The following GALNTL6 variants were observed in gnomAD, a reference collection of about 807,000 sequenced individuals.
GALNTL6 encodes polypeptide N-acetylgalactosaminyltransferase-like 6.
Under a neutral mutation model 73.7 loss-of-function variants are expected in GALNTL6, and 46 were observed. That is an observed-to-expected ratio of 0.62 (90% CI 0.49 to 0.80). The LOEUF (loss-of-function observed/expected upper bound fraction) is 0.80. GALNTL6 is among the 30% of genes least tolerant of loss of function. The pLI is 0.00. For missense variants in GALNTL6, 604 were observed against 755.0 expected, an observed-to-expected ratio of 0.80 and a Z score of 2.34; for synonymous variants, 259 against 263.7, an observed-to-expected ratio of 0.98 and a Z score of 0.17.
chr4:172,299,080 C>A (rs1261016901), intron 3 of GALNTL6, among the ~76,000 whole-genome samples: 1 of 152,180 alleles, frequency 6.6e-6, no homozygotes, highest in East Asian at 1.9e-4. Context: ...TCAACTTCTT[C>A]CTGGTTTAGT....
In GALNTL6 at chr4:172,809,296, C is replaced by A. The variant is rs574990101; in HGVS notation, c.554-65C>A. The A allele has an allele frequency of 7.6e-7, 1 of 1,311,846 alleles. No individual in the cohort carries two copies. The highest frequency in any genetic ancestry group is 1.1e-6 in the Non-Finnish European group (1 of 918,038). The allele number at this position is 1,311,846 out of a possible 1,614,324, so 81.3% of individuals were successfully genotyped here. On this transcript the variant is annotated intron_variant, in intron 5 of 12. Transcript: ENST00000506823. This position sits in a 1 kb window ranked among gnomAD's most constrained non-coding sequence, Gnocchi z 4.4. Reference sequence around the variant, plus strand: ...CACATACTCTCTATGCACAAACAACCGTGAATAATTCAGCTGCAACTAATG... The same window carrying A: ...CACATACTCTCTATGCACAAACAACAGTGAATAATTCAGCTGCAACTAATG...
rs192229778 is a variant in GALNTL6 at position 173,020,091 on chromosome 4, C to A, written c.1489-1385C>A. 5.9e-5 allele frequency among the ~76,000 whole-genome samples: 9 copies of A among 152,318 alleles called. No homozygotes were observed. In the East Asian group the frequency reaches 1.5e-3, roughly 26 times the overall value. On this transcript the variant is annotated intron_variant, in intron 11 of 12. Coordinates refer to ENST00000506823, the MANE Select transcript of GALNTL6 (RefSeq NM_001034845.3). Reference sequence around the variant, plus strand: ...AAGTCCTATTGTAAGAATTACATAACCTTCCTGGGATTTTAGAATTGGGAG... The same window carrying A: ...AAGTCCTATTGTAAGAATTACATAAACTTCCTGGGATTTTAGAATTGGGAG...
rs111710702 is a variant in GALNTL6 at position 171,935,803 on chromosome 4, T to G, written c.138+121085T>G. On this transcript the variant is annotated intron_variant, in intron 2 of 12. Transcript: ENST00000506823. Reference sequence around the variant, plus strand: ...ATGGTTCCACTAGCTTGAAAATTCCTGGGCAGGTGTGTAGATGAATTTTGT... The same window carrying G: ...ATGGTTCCACTAGCTTGAAAATTCCGGGGCAGGTGTGTAGATGAATTTTGT... 6.8e-3 allele frequency among the ~76,000 whole-genome samples: 1,039 copies of G among 152,304 alleles called. 10 individuals carry two copies. The highest frequency in any genetic ancestry group is 0.032 in the South Asian group (156 of 4,826).
At chr4:172,718,525 C>T (rs1270570193) in intron 5 of GALNTL6, among the ~76,000 whole-genome samples, 1 of 151,854 alleles carries the variant, frequency 6.6e-6, no homozygotes, top group Non-Finnish European at 1.5e-5. Context: ...GTGGTCCCAG[C>T]TACTTAGGAG....
At chr4:171,940,247 G>A (rs1251057010) in intron 2 of GALNTL6, among the ~76,000 whole-genome samples, 2 of 151,950 alleles carry the variant, frequency 1.3e-5, no homozygotes, top group Non-Finnish European at 2.9e-5. Context: ...AAGAAAAGGA[G>A]GGACATTGAA....
chr4:171,837,603 T>C (rs1001829994), intron 2 of GALNTL6, among the ~76,000 whole-genome samples: 2 of 147,250 alleles, frequency 1.4e-5, no homozygotes, highest in Non-Finnish European at 3.0e-5. Flanking sequence ...TATTATATAT[T>C]AATAGTAATT....
At chr4:172,211,798 A>G (rs1037243352) in intron 2 of GALNTL6, among the ~76,000 whole-genome samples, 4 of 152,172 alleles carry the variant, frequency 2.6e-5, no homozygotes, top group East Asian at 3.9e-4. Flanking sequence ...TGTCTTCTCT[A>G]GTCCTCACGT....
intron 2 of GALNTL6, among the ~76,000 whole-genome samples, chr4:171,999,019 A>C (rs1436580310): frequency 6.6e-6 from 1 of 152,142 alleles, no homozygotes; most frequent in Admixed American, 6.6e-5. Context: ...GGTTTTCTTT[A>C]AGCATGACAT....
At chr4:171,824,262 A>G (rs1176014282) in intron 2 of GALNTL6, among the ~76,000 whole-genome samples, 3 of 151,860 alleles carry the variant, frequency 2.0e-5, no homozygotes, top group African/African-American at 4.8e-5. Context: ...GGTCATTGCA[A>G]CAAAAGAAAT....
intron 5 of GALNTL6, among the ~76,000 whole-genome samples, chr4:172,687,153 TA>T (rs1732965210): frequency 6.6e-6 from 1 of 152,178 alleles, no homozygotes; most frequent in African/African-American, 2.4e-5. Context: ...TAGAATCTGG[TA>T]AAAGAGAAGC....
rs1212706952 is a variant in GALNTL6 at position 172,487,300 on chromosome 4, GTCTT to G, written c.553+138666_553+138669del. On this transcript the variant is annotated intron_variant, in intron 5 of 12. Transcript: ENST00000506823. ...TTTCTTTCTTTCCTTCTTTCCTTCT[GTCTT>G]TCTTTCTTTCTTTCTTTCTTTCTTT... 8.4e-3 allele frequency among the ~76,000 whole-genome samples: 996 copies of G among 118,634 alleles called. 21 individuals are homozygous for G. Among genetic ancestry groups the G allele is most frequent in the African/African-American group, 0.031 (955 of 31,098 alleles). 77.8% of individuals were successfully genotyped at this position (118,634 alleles called of 152,430 possible).
At chr4:173,001,171 T>A (rs183273349) in intron 10 of GALNTL6, among the ~76,000 whole-genome samples, 3 of 152,298 alleles carry the variant, frequency 2.0e-5, no homozygotes, top group Non-Finnish European at 4.4e-5. Flanking sequence ...TATTATGTAC[T>A]CTCTTTCACA....
intron 2 of GALNTL6, among the ~76,000 whole-genome samples, chr4:172,166,104 T>C (rs1035593053): frequency 3.3e-5 from 5 of 152,204 alleles, no homozygotes; most frequent in East Asian, 1.9e-4. Flanking sequence ...GTTCGTAATA[T>C]GGCTTGAGCA....
intron 10 of GALNTL6, among the ~76,000 whole-genome samples, chr4:172,986,777 C>T (rs987556707): frequency 1.2e-4 from 18 of 152,114 alleles, no homozygotes; most frequent in Non-Finnish European, 7.3e-5. Context: ...ATGTCCAATT[C>T]AAAACACTTT....
intron 2 of GALNTL6, among the ~76,000 whole-genome samples, chr4:171,959,674 G>A (rs1739162665): frequency 1.3e-5 from 2 of 152,124 alleles, no homozygotes; most frequent in Non-Finnish European, 2.9e-5. Context: ...AACACAGGGA[G>A]ACCCTATGTA....
At chr4:172,374,329 C>T (rs191312511) in intron 5 of GALNTL6, among the ~76,000 whole-genome samples, 36 of 152,192 alleles carry the variant, frequency 2.4e-4, no homozygotes, top group African/African-American at 6.0e-4. Context: ...TTTAGAACAC[C>T]GAGGTTGACA....
In GALNTL6 at chr4:172,217,057, G is replaced by A. The variant is rs1013010748; in HGVS notation, c.139-12599G>A. 2.0e-5 allele frequency among the ~76,000 whole-genome samples: 3 copies of A among 152,248 alleles called. No individual in the cohort carries two copies. The East Asian group carries it at 5.8e-4, about 29-fold the overall frequency. On this transcript the variant is annotated intron_variant, in intron 2 of 12. Coordinates refer to ENST00000506823, the MANE Select transcript of GALNTL6 (RefSeq NM_001034845.3). Reference sequence around the variant, plus strand: ...AGATAAAAGATTGCTGAGACCAGGAGGCCAAGGTTCTTTTGAAATCTTATT... The same window carrying A: ...AGATAAAAGATTGCTGAGACCAGGAAGCCAAGGTTCTTTTGAAATCTTATT...
chr4:172,184,302 A>G (rs1219058903), intron 2 of GALNTL6, among the ~76,000 whole-genome samples: 1 of 152,138 alleles, frequency 6.6e-6, no homozygotes, highest in Admixed American at 6.5e-5. Context: ...TGTATGTGGC[A>G]TTCACCTTAG....
At chr4:171,908,285 A>C (rs1159378332) in intron 2 of GALNTL6, among the ~76,000 whole-genome samples, 2 of 151,544 alleles carry the variant, frequency 1.3e-5, no homozygotes, top group African/African-American at 4.9e-5. Flanking sequence ...TAATGAACTC[A>C]AACAAATTTA....
Sources: allele counts gnomAD v4.1 joint callset (sites outside exome capture counted in the v4.1 genomes callset), GRCh38; gene constraint gnomAD v4.1.1; non-coding constraint Gnocchi (gnomAD v3.1); transcripts MANE v1.5; gene names NCBI Gene and HGNC (gene_info 2026-07-23, HGNC 2026-07-21).